SNAPC5: variants seen among roughly 807,000 people sequenced by gnomAD.
SNAPC5 encodes small nuclear RNA activating complex polypeptide 5.
SNAPC5 carries 12 observed loss-of-function variants against 9.1 expected under a neutral mutation model. The observed-to-expected ratio is 1.32, with a 90% CI of 0.85 to 2.15. The LOEUF (loss-of-function observed/expected upper bound fraction) is 2.15. SNAPC5 is among the 30% of genes most tolerant of loss of function. SNAPC5 has a pLI of 0.00. For synonymous variants in SNAPC5, 52 were observed against 47.3 expected, an observed-to-expected ratio of 1.10 and a Z score of -0.41; for missense variants, 132 against 114.4, an observed-to-expected ratio of 1.15 and a Z score of -0.70.
chr15:66,493,023 CA>C (rs1260048339), downstream of SNAPC5, among the ~76,000 whole-genome samples: 7 of 152,138 alleles, frequency 4.6e-5, no homozygotes, highest in African/African-American at 1.7e-4. Context: ...TTTTTGTTCC[CA>C]AACTGTCTTC....
At chr15:66,489,885 T>C (rs1222373111), downstream of SNAPC5, 4 of 877,744 alleles carry the variant, frequency 4.6e-6, no homozygotes, top group East Asian at 7.3e-5. Flanking sequence ...CAGCTGAGCC[T>C]GGGGCTGCAG....
downstream of SNAPC5, chr15:66,489,967 G>A (rs1307764779): frequency 1.2e-5 from 8 of 642,158 alleles, no homozygotes; most frequent in Non-Finnish European, 2.2e-5. Flanking sequence ...CGCAGCCTGA[G>A]TAAGCATATG....
chr15:66,490,193 T>C, downstream of SNAPC5: 1 of 537,534 alleles, frequency 1.9e-6, no homozygotes, highest in Non-Finnish European at 3.3e-6. Flanking sequence ...GTATATAATA[T>C]GCACTAAGTC....
chr15:66,495,200 CTG>C, intron 2 of SNAPC5, 128 bp downstream of exon 2: 1 of 731,052 alleles, frequency 1.4e-6, no homozygotes, highest in Non-Finnish European at 2.5e-6. Context: ...AACCAGAAAA[CTG>C]TTATCAGCAC....
chr15:66,496,716 C>T (rs1407740784), intron 1 of SNAPC5, among the ~76,000 whole-genome samples: 1 of 151,976 alleles, frequency 6.6e-6, no homozygotes, highest in African/African-American at 2.4e-5. Flanking sequence ...TAAGGCCGGC[C>T]GCAGTGGCTC....
At chr15:66,492,215 C>T (rs1041137396), downstream of SNAPC5, 4 of 302,798 alleles carry the variant, frequency 1.3e-5, no homozygotes, top group Non-Finnish European at 2.6e-5. Context: ...CTGGTCAATA[C>T]CTCTCCGCTC....
chr15:66,489,797 T>G, downstream of SNAPC5: 1 of 1,556,136 alleles, frequency 6.4e-7, no homozygotes, highest in Non-Finnish European at 8.9e-7. Context: ...TTACAGTACC[T>G]GTTTATTCAT....
intron 1 of SNAPC5, 61 bp downstream of exon 1, chr15:66,497,581 T>G: frequency 2.1e-5 from 30 of 1,451,402 alleles, no homozygotes; most frequent in Non-Finnish European, 2.7e-5. Context: ...GAGGCCCAGG[T>G]TGGGGGGAAA....
chr15:66,496,119 ACTTTTC>A (rs939635200), intron 1 of SNAPC5, among the ~76,000 whole-genome samples: 4 of 151,458 alleles, frequency 2.6e-5, no homozygotes, highest in Non-Finnish European at 4.4e-5. Context: ...GGTGTACAAT[ACTTTTC>A]CTTTTACAAA....
chr15:66,489,957 C>T (rs568332658), downstream of SNAPC5: 9 of 658,672 alleles, frequency 1.4e-5, no homozygotes, highest in Admixed American at 6.8e-5. Flanking sequence ...GGGTGACCCC[C>T]GCAGCCTGAG....
downstream of SNAPC5, chr15:66,490,546 T>C (rs767237502): frequency 3.1e-6 from 5 of 1,614,228 alleles, no homozygotes; most frequent in Non-Finnish European, 1.7e-6. Flanking sequence ...AAGTGGATTT[T>C]GCAGGTTGGC....
chr15:66,490,738 C>G (rs1437046680), downstream of SNAPC5: 2 of 753,120 alleles, frequency 2.7e-6, no homozygotes, highest in East Asian at 2.5e-5. Flanking sequence ...GGATGAAGAA[C>G]ACAGCATGTG....
chr15:66,495,404 G>T lies in SNAPC5; in HGVS notation c.106C>A (p.Leu36Ile). 1 of 1,601,208 alleles carries T rather than the reference G, an allele frequency of 6.2e-7. No homozygotes were observed. Residue 36 changes from leucine to isoleucine, a missense_variant, in exon 2 of 3, where the codon CTC (leucine) becomes ATC (isoleucine). Coordinates refer to ENST00000316634, the MANE Select transcript of SNAPC5 (RefSeq NM_001329615.2). ...CTTCTAGAACTGATCATTGATTGGA[G>T]GGCTAATTCTTCAACCTAGAAAAGA... is the stretch of plus-strand genomic sequence containing the variant. ...LNRLKVEELA[L>I]QSMISSRRGD... is the part of the protein sequence containing the mutation.
chr15:66,493,830 TA>T lies in SNAPC5; in HGVS notation c.*605del, dbSNP rs10717539. ...CAGCAGGCTCCATGATGGCTACTTA[TA>T]AATTTATTTATAAAACATTTTACCA... On this transcript the variant is annotated 3_prime_UTR_variant, in exon 3 of 3. Transcript: ENST00000316634. The T allele has an allele frequency of 1, 152,328 of 152,358 alleles. 76,149 individuals carry two copies. The highest frequency in any genetic ancestry group is 1 in the Middle Eastern group (294 of 294). The allele number at this position is 152,358 out of a possible 1,614,324, so 9.4% of individuals were successfully genotyped here.
At chr15:66,492,655 C>G (rs979238429), downstream of SNAPC5, among the ~76,000 whole-genome samples, 3 of 152,056 alleles carry the variant, frequency 2.0e-5, no homozygotes, top group Admixed American at 6.6e-5. Context: ...GATCTGACCA[C>G]TTTCATGCTC....
At chr15:66,492,275 A>G (rs1893280484), downstream of SNAPC5, 1 of 273,650 alleles carries the variant, frequency 3.7e-6, no homozygotes, top group Admixed American at 5.0e-5. Flanking sequence ...CAACATATAT[A>G]TTTATAAATA....
chr15:66,489,908 CAGT>C, downstream of SNAPC5: 1 of 779,736 alleles, frequency 1.3e-6, no homozygotes, highest in South Asian at 1.4e-5. Context: ...TACCAAACAC[CAGT>C]CTCCTTTGCT....
intron 1 of SNAPC5, among the ~76,000 whole-genome samples, chr15:66,496,024 C>T (rs1260254272): frequency 6.6e-6 from 1 of 151,360 alleles, no homozygotes; most frequent in African/African-American, 2.4e-5. Context: ...AGATCGAGAA[C>T]ATCCTGGCTA....
chr15:66,496,588 A>G (rs916355982), intron 1 of SNAPC5, among the ~76,000 whole-genome samples: 2 of 151,434 alleles, frequency 1.3e-5, no homozygotes, highest in Admixed American at 6.6e-5. Context: ...CAGTGGCACA[A>G]TCTGGGCTCT....
Sources: gnomAD v4.1 joint callset for allele counts (sites outside exome capture counted in the v4.1 genomes callset) on GRCh38, gnomAD v4.1.1 for gene constraint, MANE v1.5 for transcripts, NCBI Gene and HGNC (gene_info 2026-07-23, HGNC 2026-07-21) for gene names.